KIAA0586: variants seen among roughly 807,000 people sequenced by gnomAD.
KIAA0586 encodes the protein protein TALPID3.
In KIAA0586, 144 loss-of-function variants were observed where a neutral mutation model predicts 169.8. The ratio of observed to expected loss-of-function variants is 0.85; its 90% confidence interval spans 0.74 to 0.97. KIAA0586 has a LOEUF of 0.97. Ranked by LOEUF, KIAA0586 falls within the 50% of genes least tolerant of loss-of-function variation. KIAA0586 has a pLI of 0.00. For synonymous variants in KIAA0586, 625 were observed against 612.4 expected (o/e 1.02, Z -0.30); for missense variants, 1,854 against 1,823.0 (o/e 1.02, Z -0.31).
intron 28 of KIAA0586, among the ~76,000 whole-genome samples, 155 bp downstream of exon 28, chr14:58,508,864 T>C (rs899450287): frequency 1.3e-5 from 2 of 152,164 alleles, no homozygotes; most frequent in Non-Finnish European, 2.9e-5. Flanking sequence ...ATAAATCTAG[T>C]TCACCCAAGC....
chr14:58,521,993 C>T (rs1312107463), intron 29 of KIAA0586: 2 of 1,307,794 alleles, frequency 1.5e-6, no homozygotes. Flanking sequence ...AACTCTTAAG[C>T]ACATAGTGGG....
intron 29 of KIAA0586, among the ~76,000 whole-genome samples, chr14:58,529,252 T>G (rs1356189916): frequency 6.6e-6 from 1 of 152,066 alleles, no homozygotes; most frequent in Non-Finnish European, 1.5e-5. Context: ...CCAGACAAAT[T>G]CACAGGCGAA....
chr14:58,543,364 G>A (rs1410570062), intron 30 of KIAA0586, among the ~76,000 whole-genome samples: 1 of 152,134 alleles, frequency 6.6e-6, no homozygotes, highest in Non-Finnish European at 1.5e-5. Flanking sequence ...TGTGTGGCCA[G>A]TGAGGTTAGA....
At chr14:58,491,159 C>T in intron 25 of KIAA0586, among the ~76,000 whole-genome samples, 1 of 152,148 alleles carries the variant, frequency 6.6e-6, no homozygotes, top group African/African-American at 2.4e-5. Context: ...TTTTTCTCCT[C>T]TCTTTGAACT....
At position 58,541,950 on chromosome 14, in the gene KIAA0586, A is replaced by C. The variant is rs1595545728; in HGVS notation, c.4495+1814A>C. The stretch of plus-strand genomic sequence containing the variant: ...TTGACTGTGCAAATTTAAAAAGTCA[A>C]ACTTTAAAAGCATCAAACTATATTT... On this transcript the variant is annotated intron_variant, in intron 30 of 30. Coordinates refer to ENST00000652326, the MANE Select transcript of KIAA0586 (RefSeq NM_001329943.3). Among the ~76,000 whole-genome samples the C allele has an allele frequency of 2.6e-5, 4 of 152,218 alleles. No homozygotes were observed. The East Asian group carries it at 7.7e-4, about 29-fold the overall frequency.
chr14:58,430,979 A>G (rs1391260209), intron 3 of KIAA0586, among the ~76,000 whole-genome samples: 1 of 152,214 alleles, frequency 6.6e-6, no homozygotes, highest in African/African-American at 2.4e-5. Flanking sequence ...ATATAAGTAG[A>G]ATCATATAGT....
intron 16 of KIAA0586, among the ~76,000 whole-genome samples, chr14:58,469,217 G>T (rs1057315729): frequency 6.6e-6 from 1 of 152,210 alleles, no homozygotes; most frequent in Non-Finnish European, 1.5e-5. Context: ...AAAATTGATA[G>T]TGTGTTTTCA....
At chr14:58,546,989 A>G (rs2047022071) in intron 30 of KIAA0586, among the ~76,000 whole-genome samples, 1 of 152,076 alleles carries the variant, frequency 6.6e-6, no homozygotes, top group African/African-American at 2.4e-5. Flanking sequence ...ACCTTATATC[A>G]CTTCTGTTGG....
chr14:58,438,307 A>AT (rs1208718630), intron 4 of KIAA0586, among the ~76,000 whole-genome samples: 4 of 152,186 alleles, frequency 2.6e-5, no homozygotes, highest in Non-Finnish European at 4.4e-5. Context: ...CTATAAAGAA[A>AT]TTTATGTCTA....
chr14:58,561,092 A>G, the KIAA0586 span, among the ~76,000 whole-genome samples: 2 of 152,332 alleles, frequency 1.3e-5, no homozygotes, highest in East Asian at 1.9e-4. Flanking sequence ...TCCAAGTGCT[A>G]AAGTTGACAA....
chr14:58,529,950 A>G (rs1156339382), intron 29 of KIAA0586, among the ~76,000 whole-genome samples: 1 of 152,230 alleles, frequency 6.6e-6, no homozygotes, highest in African/African-American at 2.4e-5. Flanking sequence ...TTGTATATTT[A>G]GAAAACTCCA....
intron 23 of KIAA0586, 26 bp from the exon 24 acceptor site, chr14:58,488,595 C>G: frequency 6.2e-7 from 1 of 1,610,696 alleles, no homozygotes; most frequent in Non-Finnish European, 8.5e-7. Flanking sequence ...ACCTAACAAG[C>G]TCCAAATATG....
intron 4 of KIAA0586, chr14:58,440,124 C>T (rs1474958834): frequency 4.8e-6 from 2 of 414,484 alleles, no homozygotes; most frequent in South Asian, 3.3e-5. Context: ...CTCAAGCAGT[C>T]TTCCTGCCTC....
chr14:58,556,266 C>A (rs559307116), downstream of KIAA0586, among the ~76,000 whole-genome samples: 5 of 152,322 alleles, frequency 3.3e-5, no homozygotes, highest in South Asian at 6.2e-4. Flanking sequence ...CATGGAGCAG[C>A]TTTGATAGCT....
In KIAA0586 at chr14:58,450,681, A is replaced by G. The variant is rs2039294761; in HGVS notation, c.1064A>G (p.Asp355Gly). The change falls in exon 8 of 31, where the codon GAT becomes GGT. Residue 355 changes from aspartate to glycine, a missense_variant. Asp to Gly is a moderately conservative substitution (Grantham distance 94, BLOSUM62 -1). Coordinates refer to ENST00000652326, the MANE Select transcript of KIAA0586 (RefSeq NM_001329943.3). ...GCTCCTGTACCTGTTTCAAGGGATG[A>G]TGAACTATCAAAGAGGGAAAATCTT... ...RFAPVPVSRD[D>G]ELSKRENLLE... is the part of the protein sequence containing the mutation. 6.2e-7 allele frequency: 1 copy of G among 1,609,164 alleles called. No individual in the cohort carries two copies. The highest frequency in any genetic ancestry group is 1.1e-5 in the South Asian group (1 of 90,988).
intron 21 of KIAA0586, among the ~76,000 whole-genome samples, chr14:58,484,888 A>ATTTATATATATATATATTTATATATATT (rs1566876681): frequency 3.2e-4 from 6 of 18,488 alleles, no homozygotes; most frequent in Admixed American, 1.4e-3. Context: ...TTATATATAT[A>ATTTATATATATATATATTTATATATATT]TTTATATATA....
chr14:58,498,239 C>T (rs2043301373), intron 26 of KIAA0586, among the ~76,000 whole-genome samples: 1 of 151,342 alleles, frequency 6.6e-6, no homozygotes, highest in African/African-American at 2.4e-5. Context: ...TACAGTCGTG[C>T]AGTCTCGCTC....
intron 21 of KIAA0586, among the ~76,000 whole-genome samples, chr14:58,486,153 CTATGTG>C (rs950067861): frequency 3.3e-5 from 5 of 152,138 alleles, no homozygotes; most frequent in African/African-American, 1.2e-4. Flanking sequence ...ATGTTTATGT[CTATGTG>C]TGCTCAATGT....
intron 15 of KIAA0586, among the ~76,000 whole-genome samples, chr14:58,467,403 C>T (rs1488858052): frequency 2.0e-5 from 3 of 152,168 alleles, no homozygotes; most frequent in East Asian, 1.9e-4. Context: ...CTGTACTACC[C>T]CTCTTTACTT....
Sources: allele counts gnomAD v4.1 joint callset (sites outside exome capture counted in the v4.1 genomes callset), GRCh38; gene constraint gnomAD v4.1.1; transcripts MANE v1.5; gene names NCBI Gene and HGNC (gene_info 2026-07-23, HGNC 2026-07-21).